The following EFCAB5 variants were observed in gnomAD, a reference collection of about 807,000 sequenced individuals.
The protein encoded by EFCAB5 is EF-hand calcium binding domain 5, also known as EF-hand calcium-binding domain-containing protein 5.
In EFCAB5, 131 loss-of-function variants were observed where a neutral mutation model predicts 167.9. The observed-to-expected ratio is 0.78, with a 90% CI of 0.68 to 0.90. The LOEUF (loss-of-function observed/expected upper bound fraction) is 0.90, where lower values mean the gene tolerates loss of function less well. EFCAB5 is among the 40% of genes least tolerant of loss of function. The pLI is 0.00. For missense variants in EFCAB5, 1,663 were observed against 1,745.2 expected, an observed-to-expected ratio of 0.95 and a Z score of 0.84; for synonymous variants, 574 against 602.8, an observed-to-expected ratio of 0.95 and a Z score of 0.70.
chr17:30,075,155 T>C (rs1363867049), intron 14 of EFCAB5, among the ~76,000 whole-genome samples: 1 of 152,180 alleles, frequency 6.6e-6, no homozygotes, highest in East Asian at 1.9e-4. Flanking sequence ...ATTTATTTGA[T>C]CAATCCCCCA....
rs1417977940 is a variant in EFCAB5, at chr17:30,057,744, G to A, written c.2434G>A (p.Val812Ile). 6.2e-7 allele frequency: 1 copy of A among 1,613,694 alleles called. No homozygotes were observed. The highest frequency in any genetic ancestry group is 1.7e-5 in the Admixed American group (1 of 59,988). The change falls in exon 13 of 23, where the codon GTT becomes ATT. Residue 812 changes from valine to isoleucine, a missense_variant. Coordinates refer to ENST00000394835, the MANE Select transcript of EFCAB5 (RefSeq NM_198529.4). Reference sequence around the variant, plus strand: ...AAAAGGCAGAACTGCCTTCAATGGAGTTTCATTCAATCTGCTCCAGTTTGT... The same window carrying A: ...AAAAGGCAGAACTGCCTTCAATGGAATTTCATTCAATCTGCTCCAGTTTGT... Reference protein sequence around the residue: ...EVKGRTAFNGVSFNLLQFVQL... With the variant: ...EVKGRTAFNGISFNLLQFVQL...
intron 9 of EFCAB5, 90 bp from the exon 10 acceptor site, chr17:30,053,165 G>T: frequency 7.1e-7 from 1 of 1,418,402 alleles, no homozygotes; most frequent in Non-Finnish European, 9.5e-7. Context: ...CAATTTCTGT[G>T]CTCAATGCTT....
At chr17:29,979,092 C>T (rs1388930187) in intron 4 of EFCAB5, among the ~76,000 whole-genome samples, 1 of 152,258 alleles carries the variant, frequency 6.6e-6, no homozygotes, top group East Asian at 1.9e-4. Flanking sequence ...TGGCTCACGC[C>T]TGTAATCTCA....
At position 30,026,076 on chromosome 17, in the gene EFCAB5, G is replaced by A. The variant is rs1352115836; in HGVS notation, c.1045-8154G>A. ...GGAGATATACCTAATGCTAAATGAC[G>A]AGTTAATGGGTGCAGCACACCAGCA... On this transcript the variant is annotated intron_variant, in intron 7 of 22. Transcript: ENST00000394835. Among the ~76,000 whole-genome samples the A allele has an allele frequency of 5.9e-5, 9 of 151,770 alleles. No individual in the cohort carries two copies. The East Asian group carries it at 9.7e-4, about 16-fold the overall frequency.
At chr17:30,020,423 G>A (rs370066879) in intron 7 of EFCAB5, among the ~76,000 whole-genome samples, 3 of 144,454 alleles carry the variant, frequency 2.1e-5, no homozygotes, top group East Asian at 4.1e-4. Context: ...TGAATGCAAT[G>A]GCATGATCTC....
At chr17:29,946,429 C>CTTTT (rs58247381) in intron 3 of EFCAB5, among the ~76,000 whole-genome samples, 47 of 85,386 alleles carry the variant, frequency 5.5e-4, no homozygotes, top group African/African-American at 7.4e-4. Context: ...ATGGAAATTT[C>CTTTT]TTTTTTTTTT....
intron 8 of EFCAB5, among the ~76,000 whole-genome samples, chr17:30,047,255 T>C (rs2069953341): frequency 6.6e-6 from 1 of 152,182 alleles, no homozygotes; most frequent in South Asian, 2.1e-4. Context: ...CTGAAATTGA[T>C]TTTTCATATG....
chr17:29,996,750 A>G (rs2068552535), intron 6 of EFCAB5, among the ~76,000 whole-genome samples: 1 of 152,244 alleles, frequency 6.6e-6, no homozygotes, highest in South Asian at 2.1e-4. Flanking sequence ...GCTAATATTT[A>G]CCAGAGTTGA....
At chr17:30,068,568 A>G in intron 14 of EFCAB5, 1 of 882,544 alleles carries the variant, frequency 1.1e-6, no homozygotes, top group Non-Finnish European at 1.7e-6. Context: ...TGACCATACT[A>G]CCGCTGTCAC....
intron 22 of EFCAB5, among the ~76,000 whole-genome samples, chr17:30,096,327 A>G (rs1416698228): frequency 6.6e-6 from 1 of 152,212 alleles, no homozygotes; most frequent in African/African-American, 2.4e-5. Flanking sequence ...ATACAGTTTT[A>G]CATGTATAGA....
chr17:29,990,811 G>A (rs1243318806), intron 4 of EFCAB5, among the ~76,000 whole-genome samples: 1 of 152,162 alleles, frequency 6.6e-6, no homozygotes, highest in African/African-American at 2.4e-5. Flanking sequence ...TGCCTGAATA[G>A]AACTGAGAGC....
chr17:30,084,391 T>G (rs911114132), intron 18 of EFCAB5, among the ~76,000 whole-genome samples: 5 of 151,998 alleles, frequency 3.3e-5, no homozygotes, highest in Non-Finnish European at 7.4e-5. Context: ...AAACAACACA[T>G]AGGGCACCAT....
At position 29,968,909 on chromosome 17, in the gene EFCAB5, A is replaced by T. The variant is rs374805515; in HGVS notation, c.309A>T (p.Glu103Asp). The T allele has an allele frequency of 4.7e-4, 739 of 1,576,428 alleles. No individual in the cohort carries two copies. The highest frequency in any genetic ancestry group is 6.1e-4 in the Non-Finnish European group (702 of 1,160,174). The change falls in exon 4 of 23, where the codon GAA becomes GAT. Residue 103 changes from glutamate to aspartate, a missense_variant. Physicochemically the swap from Glu to Asp is conservative, Grantham distance 45. Transcript: ENST00000394835. Reference protein sequence around the residue: ...KSAKVIFALDETELKSKPEHT... With the variant: ...KSAKVIFALDDTELKSKPEHT... The stretch of plus-strand genomic sequence containing the variant: ...CAAAAGTGATTTTTGCTTTAGATGA[A>T]ACTGAACTGAAATCAAAGCCAGAGC...
At chr17:29,979,708 T>C (rs191034392) in intron 4 of EFCAB5, among the ~76,000 whole-genome samples, 2 of 152,358 alleles carry the variant, frequency 1.3e-5, no homozygotes, top group East Asian at 1.9e-4. Flanking sequence ...CTGAAACACC[T>C]GTAGGCTCAT....
At chr17:29,979,793 TCTATTATAC>T (rs1418967637) in intron 4 of EFCAB5, among the ~76,000 whole-genome samples, 1 of 152,218 alleles carries the variant, frequency 6.6e-6, no homozygotes, top group Non-Finnish European at 1.5e-5. Context: ...AGGGCTATCT[TCTATTATAC>T]CTATATTTGA....
At chr17:30,084,206 T>C (rs2151839523) in intron 18 of EFCAB5, among the ~76,000 whole-genome samples, 1 of 152,228 alleles carries the variant, frequency 6.6e-6, no homozygotes, top group Non-Finnish European at 1.5e-5. Flanking sequence ...GAGGCCTTGG[T>C]CAATGAGGGC....
intron 7 of EFCAB5, among the ~76,000 whole-genome samples, chr17:30,002,179 T>A (rs1161520177): frequency 1.3e-5 from 2 of 152,230 alleles, no homozygotes; most frequent in African/African-American, 4.8e-5. Context: ...AAAACATGTT[T>A]TAAAATTTTT....
chr17:29,992,409 G>A (rs11652175), intron 4 of EFCAB5, among the ~76,000 whole-genome samples: 48,444 of 152,082 alleles, frequency 0.32, 8,189 homozygotes, highest in Non-Finnish European at 0.37. Flanking sequence ...GTGCAGTGGC[G>A]TGATCTTGGC....
chr17:30,096,293 G>A (rs559777210), intron 22 of EFCAB5, among the ~76,000 whole-genome samples: 1 of 152,214 alleles, frequency 6.6e-6, no homozygotes, highest in Non-Finnish European at 1.5e-5. Flanking sequence ...TTTTCTAACA[G>A]TAGTTATTAA....
Sources: allele counts gnomAD v4.1 joint callset (sites outside exome capture counted in the v4.1 genomes callset), GRCh38; gene constraint gnomAD v4.1.1; transcripts MANE v1.5; gene names NCBI Gene and HGNC (gene_info 2026-07-23, HGNC 2026-07-21).